Variants in NDST4 observed in about 807,000 individuals in gnomAD.
NDST4 encodes N-heparan sulfate sulfotransferase 4.
In NDST4, 63 loss-of-function variants were observed where a neutral mutation model predicts 100.8. That is an observed-to-expected ratio of 0.62 (90% CI 0.51 to 0.77). NDST4 has a LOEUF of 0.77. NDST4 is among the 30% of genes least tolerant of loss of function. The probability of loss-of-function intolerance (pLI) is 0.00; values close to 1 mark genes in which losing one functional copy is unlikely to be tolerated. For missense variants in NDST4, 943 were observed against 1,018.4 expected, an observed-to-expected ratio of 0.93 and a Z score of 1.01; for synonymous variants, 377 against 361.8, an observed-to-expected ratio of 1.04 and a Z score of -0.48.
chr4:115,077,044 A>T lies in NDST4; in HGVS notation c.-8T>A, dbSNP rs1729203795. ...TTTCACAATAAGATTCATTTTTTAG[A>T]ATAATGTTTTGGAAGCTTTTTCCCA... is the stretch of plus-strand genomic sequence containing the variant. On this transcript the variant is annotated 5_prime_UTR_variant, in exon 2 of 14. Transcript: ENST00000264363. 6.3e-7 allele frequency: 1 copy of T among 1,580,286 alleles called. No homozygotes were observed. Among genetic ancestry groups the T allele is most frequent in the East Asian group, 2.3e-5 (1 of 44,400 alleles).
chr4:115,109,694 A>G (rs1729903189), intron 1 of NDST4, among the ~76,000 whole-genome samples: 1 of 151,880 alleles, frequency 6.6e-6, no homozygotes, highest in Admixed American at 6.6e-5. Context: ...AATTAAACAT[A>G]ACTATTTATT....
At chr4:115,074,402 C>T (rs554644344) in intron 2 of NDST4, among the ~76,000 whole-genome samples, 40 of 152,004 alleles carry the variant, frequency 2.6e-4, no homozygotes, top group African/African-American at 7.7e-4. Flanking sequence ...AGATAGGAAC[C>T]AACCACTCAA....
rs1011055842 is a variant in NDST4 at position 114,839,099 on chromosome 4, T to C, written c.2286+279A>G. Among the ~76,000 whole-genome samples, 8 of 152,186 alleles carry C rather than the reference T, an allele frequency of 5.3e-5. No homozygotes were observed. The South Asian group carries it at 1.4e-3, about 28-fold the overall frequency. ...GAGAACTTATCACCTTGAAACTAGCTACTGTTCAAAAGAAGATTGTAAGAA... is the reference window on the plus strand; with the variant it reads ...GAGAACTTATCACCTTGAAACTAGCCACTGTTCAAAAGAAGATTGTAAGAA... On this transcript the variant is annotated intron_variant, in intron 11 of 13. Transcript: ENST00000264363.
At chr4:115,022,511 T>C (rs946431929) in intron 2 of NDST4, among the ~76,000 whole-genome samples, 1 of 150,982 alleles carries the variant, frequency 6.6e-6, no homozygotes, top group African/African-American at 2.4e-5. Flanking sequence ...ATATGTTCCA[T>C]ATATATATAT....
At chr4:115,054,832 A>T (rs1374891648) in intron 2 of NDST4, among the ~76,000 whole-genome samples, 1 of 152,132 alleles carries the variant, frequency 6.6e-6, no homozygotes. Context: ...TCCTTAGCAG[A>T]TAGTTTTATA....
chr4:115,099,465 T>C (rs1256315983), intron 1 of NDST4, among the ~76,000 whole-genome samples: 2 of 152,010 alleles, frequency 1.3e-5, no homozygotes, highest in Non-Finnish European at 2.9e-5. Flanking sequence ...TAAAATTCCA[T>C]AGTAGAAAAA....
intron 2 of NDST4, among the ~76,000 whole-genome samples, chr4:114,997,618 T>C (rs2126254423): frequency 6.6e-6 from 1 of 152,214 alleles, no homozygotes; most frequent in South Asian, 2.1e-4. Flanking sequence ...TTGTGAAACT[T>C]TTCCTAACTT....
chr4:115,054,218 T>C (rs562062110), intron 2 of NDST4, among the ~76,000 whole-genome samples: 19 of 152,150 alleles, frequency 1.2e-4, no homozygotes, highest in African/African-American at 3.4e-4. Context: ...GTAGAATTAT[T>C]GGAAAACTAG....
At chr4:115,065,910 C>G (rs1728936061) in intron 2 of NDST4, among the ~76,000 whole-genome samples, 1 of 152,152 alleles carries the variant, frequency 6.6e-6, no homozygotes. Context: ...TCAGCCAAGT[C>G]TGAGCTTAGG....
At chr4:114,867,665 C>CAAAAAAAAAAAAAAAAAAAAAAAAAAAG in intron 7 of NDST4, among the ~76,000 whole-genome samples, 3 of 79,900 alleles carry the variant, frequency 3.8e-5, no homozygotes, top group African/African-American at 4.9e-5. Flanking sequence ...AAAAAAAAAG[C>CAAAAAAAAAAAAAAAAAAAAAAAAAAAG]AAAAAAAAAA....
intron 6 of NDST4, among the ~76,000 whole-genome samples, chr4:114,879,789 G>A (rs1161671902): frequency 6.6e-6 from 1 of 152,060 alleles, no homozygotes; most frequent in Non-Finnish European, 1.5e-5. Flanking sequence ...GAAAACACAA[G>A]GGGAAAAACA....
rs140955805 is a variant in NDST4, at chr4:115,003,825, A to C, written c.979-26551T>G. ...GGAGGTTGTAGTGAGCTGAGATCAC[A>C]CCATTGCATTCCAGCCCAGGCGACA... On this transcript the variant is annotated intron_variant, in intron 2 of 13. Transcript: ENST00000264363. Among the ~76,000 whole-genome samples, 783 of 152,172 alleles carry C rather than the reference A, an allele frequency of 5.1e-3. 3 individuals carry two copies. The highest frequency in any genetic ancestry group is 8.5e-3 in the Non-Finnish European group (576 of 67,992).
chr4:115,105,229 T>C (rs1487905663), intron 1 of NDST4, among the ~76,000 whole-genome samples: 2 of 152,182 alleles, frequency 1.3e-5, no homozygotes, highest in African/African-American at 4.8e-5. Context: ...CTCTGCATTC[T>C]TTAAAATTTA....
intron 1 of NDST4, among the ~76,000 whole-genome samples, chr4:115,077,511 T>C (rs1257631531): frequency 6.6e-6 from 1 of 152,074 alleles, no homozygotes; most frequent in African/African-American, 2.4e-5. Context: ...GGCCTAAACA[T>C]CCATATGTAT....
chr4:114,955,930 CT>C (rs1260386947), intron 4 of NDST4: 5 of 152,166 alleles, frequency 3.3e-5, no homozygotes, highest in Non-Finnish European at 5.9e-5. Context: ...ATGATTTCTC[CT>C]TGGAAATGGC....
chr4:114,866,499 A>G lies in NDST4; in HGVS notation c.1719+4269T>C, dbSNP rs187377864. Among the ~76,000 whole-genome samples the G allele has an allele frequency of 5.4e-3, 828 of 152,286 alleles. 10 individuals are homozygous for G. Among genetic ancestry groups the G allele is most frequent in the Non-Finnish European group, 5.8e-3 (396 of 68,018 alleles). ...ACTTACCATTACATCACTATTTACT[A>G]TCTGAGAAACAGATGTGCCACTTTT... is the stretch of plus-strand genomic sequence containing the variant. On this transcript the variant is annotated intron_variant, in intron 7 of 13. Transcript: ENST00000264363.
intron 5 of NDST4, among the ~76,000 whole-genome samples, chr4:114,935,951 C>T (rs1480756566): frequency 4.6e-5 from 7 of 150,616 alleles, no homozygotes; most frequent in African/African-American, 1.5e-4. Flanking sequence ...TGACAAACTA[C>T]TGGTAATTTA....
At chr4:114,989,013 A>C (rs1726978086) in intron 2 of NDST4, among the ~76,000 whole-genome samples, 1 of 151,382 alleles carries the variant, frequency 6.6e-6, no homozygotes, top group Non-Finnish European at 1.5e-5. Flanking sequence ...AAAACTTAAG[A>C]GTTTCAAAAA....
At chr4:114,907,188 A>G (rs531512032) in intron 6 of NDST4, among the ~76,000 whole-genome samples, 69 of 152,260 alleles carry the variant, frequency 4.5e-4, no homozygotes, top group African/African-American at 1.6e-3. Context: ...TGTTTTAATT[A>G]GTTATTTTGC....
Sources: allele counts gnomAD v4.1 joint callset (sites outside exome capture counted in the v4.1 genomes callset), GRCh38; gene constraint gnomAD v4.1.1; transcripts MANE v1.5; gene names NCBI Gene and HGNC (gene_info 2026-07-23, HGNC 2026-07-21).